Variants in HERC2 observed in about 807,000 individuals in gnomAD.
The protein encoded by HERC2 is E3 ubiquitin-protein ligase HERC2.
A neutral mutation model predicts 537.7 loss-of-function variants in HERC2; 102 were observed. The ratio of observed to expected loss-of-function variants is 0.19; its 90% confidence interval spans 0.16 to 0.22. The LOEUF (loss-of-function observed/expected upper bound fraction) is 0.22, where lower values mean the gene tolerates loss of function less well. Among genes scored for constraint, HERC2 ranks in the 10% least tolerant of loss-of-function variants. HERC2 has a pLI of 1.00. For missense variants in HERC2, 4,236 were observed against 6,198.2 expected, an observed-to-expected ratio of 0.68 and a Z score of 10.63; for synonymous variants, 2,224 against 2,466.2, an observed-to-expected ratio of 0.90 and a Z score of 2.91.
chr15:28,176,346 G>C lies in HERC2; in HGVS notation c.9686+82C>G. 1 of 1,307,556 alleles carries C rather than the reference G, an allele frequency of 7.6e-7. No individual in the cohort carries two copies. Among genetic ancestry groups the C allele is most frequent in the South Asian group, 1.3e-5 (1 of 78,526 alleles). 81.0% of individuals were successfully genotyped at this position (1,307,556 alleles called of 1,614,324 possible). ...AAAGAGGACACGTCACAATCACGCCGGGTGAGCCTGGGGCGAGGCCCAGGT... is the reference window on the plus strand; with the variant it reads ...AAAGAGGACACGTCACAATCACGCCCGGTGAGCCTGGGGCGAGGCCCAGGT... On this transcript the variant is annotated intron_variant, in intron 63 of 92. Transcript: ENST00000261609. This position sits in a 1 kb window ranked among gnomAD's most constrained non-coding sequence, Gnocchi z 5.0.
chr15:28,183,912 G>C (rs1896056053), intron 56 of HERC2, among the ~76,000 whole-genome samples: 1 of 152,120 alleles, frequency 6.6e-6, no homozygotes, highest in Admixed American at 6.5e-5. Context: ...TGGGGACCAG[G>C]CACAGTAGCT....
chr15:28,319,843 T>C (rs2077185483), intron 2 of HERC2, among the ~76,000 whole-genome samples: 1 of 152,192 alleles, frequency 6.6e-6, no homozygotes, highest in South Asian at 2.1e-4. Context: ...TTACGTAAAG[T>C]CCTTTACTCC....
rs1396379587 is a variant in HERC2, at chr15:28,254,428, G to C, written c.2962C>G (p.Leu988Val). 2 of 1,608,576 alleles carry C rather than the reference G, an allele frequency of 1.2e-6. No homozygotes were observed. The highest frequency in any genetic ancestry group is 1.7e-6 in the Non-Finnish European group (2 of 1,177,494). The change falls in exon 20 of 93, where the codon CTG becomes GTG. Residue 988 changes from leucine (L) to valine (V), a missense_variant. Coordinates refer to ENST00000261609, the MANE Select transcript of HERC2 (RefSeq NM_004667.6). ...CCCGTATTAATAAGGTCTTTATCCA[G>C]TGGAGTCCTGCTTCTATGAAATGTT... The part of the protein sequence containing the change: ...ASTFHRSRTP[L>V]DKDLINTGIC...
At position 28,259,969 on chromosome 15, in the gene HERC2, C is replaced by CAA. The variant is rs35995546; in HGVS notation, c.2316+806_2316+807dup. Among the ~76,000 whole-genome samples, 94 of 67,408 alleles carry CAA rather than the reference C, an allele frequency of 1.4e-3. 3 individuals are homozygous for CAA. The highest frequency in any genetic ancestry group is 7.0e-3 in the East Asian group (20 of 2,858). 44.2% of individuals were successfully genotyped at this position (67,408 alleles called of 152,430 possible). ...GGTGACAGAGTGAGACTCCATCTGG[C>CAA]AAAAAAAAAAAAAAAAAAAAAGAGT... On this transcript the variant is annotated intron_variant, in intron 16 of 92. Transcript: ENST00000261609.
At chr15:28,298,489 A>T (rs1011268873) in intron 3 of HERC2, 1 of 151,454 alleles carries the variant, frequency 6.6e-6, no homozygotes, top group Non-Finnish European at 1.5e-5. Flanking sequence ...ATCCCCATTC[A>T]TTCCACAAAA....
Position 28,233,185 on chromosome 15 carries a change from T to C in HERC2, c.4636A>G (p.Ile1546Val), listed in dbSNP as rs748906484. ...CGTTCTCGAATTATCTTTTGAGCTA[T>C]CCTCCTCCAACGGGGCAAAGAACTT... ...LLSSLPRWRR[I>V]AQKIIRERRK... Residue 1546 changes from isoleucine to valine, a missense_variant, in exon 30 of 93, where the codon ATA becomes GTA. This residue lies in a region of HERC2 where 343 missense variants were observed against 417.2 expected (regional missense o/e 0.82). Coordinates refer to ENST00000261609, the MANE Select transcript of HERC2 (RefSeq NM_004667.6). 6.2e-7 allele frequency: 1 copy of C among 1,611,858 alleles called. No homozygotes were observed. The highest frequency in any genetic ancestry group is 1.7e-5 in the Admixed American group (1 of 60,006).
Position 28,220,496 on chromosome 15 carries a change from G to T in HERC2, c.5801C>A (p.Ala1934Asp). 9 of 1,604,594 alleles carry T rather than the reference G, an allele frequency of 5.6e-6. No homozygotes were observed. The highest frequency in any genetic ancestry group is 7.6e-6 in the Non-Finnish European group (9 of 1,179,796). Residue 1934 changes from alanine to aspartate, a missense_variant, in exon 37 of 93, where the codon GCT (alanine) becomes GAT (aspartate). Ala to Asp is a moderately radical substitution (Grantham distance 126). Transcript: ENST00000261609. ...YDLKLAELPA[A>D]AQPSAEDSDT... ...CGAATCCTCTGCTGAGGGCTGTGCA[G>T]CAGCCGGCAGCTCTGCCAGCTTGAG...
In HERC2 at chr15:28,280,237, C is replaced by T; in HGVS notation, c.373G>A (p.Ala125Thr). 1 of 1,614,138 alleles carries T rather than the reference C, an allele frequency of 6.2e-7. No homozygotes were observed. The highest frequency in any genetic ancestry group is 8.5e-7 in the Non-Finnish European group (1 of 1,180,012). ...GTGGTGGCTGACTGGACGGCCAGGG[C>T]CTGCTGCTCTTTAACCAGCACAGAA... The part of the protein sequence containing the change: ...CLSVLVKEQQ[A>T]LAVQSATTTL... Residue 125 changes from alanine to threonine, a missense_variant, in exon 5 of 93, where the codon GCC (alanine) becomes ACC (threonine). Ala to Thr is a moderately conservative substitution (Grantham distance 58). Coordinates refer to ENST00000261609, the MANE Select transcript of HERC2 (RefSeq NM_004667.6).
At chr15:28,243,786 T>C (rs935572945) in intron 23 of HERC2, among the ~76,000 whole-genome samples, 8 of 151,916 alleles carry the variant, frequency 5.3e-5, no homozygotes, top group African/African-American at 1.7e-4. Flanking sequence ...TGGAGATGAG[T>C]AGCAGCACAA....
chr15:28,315,635 A>T, intron 2 of HERC2: 1 of 576,764 alleles, frequency 1.7e-6, no homozygotes, highest in South Asian at 1.5e-5. Context: ...TCTACTAAAA[A>T]TATAAAAAAT....
At chr15:28,185,490 A>G (rs915754046) in intron 56 of HERC2, among the ~76,000 whole-genome samples, 12 of 152,164 alleles carry the variant, frequency 7.9e-5, no homozygotes, top group African/African-American at 2.7e-4. Context: ...GGAAAATACA[A>G]CTTCTATGAG....
chr15:28,233,565 T>C lies in HERC2; in HGVS notation c.4352-4A>G. On this transcript the variant is annotated splice_polypyrimidine_tract_variant and splice_region_variant and intron_variant, in intron 28 of 92. Coordinates refer to ENST00000261609, the MANE Select transcript of HERC2 (RefSeq NM_004667.6). ...ACTAAAGATAATGCCACATGACCTGTAAAAAGACATTTAAAAGAAGGGCAG... is the reference window on the plus strand; with the variant it reads ...ACTAAAGATAATGCCACATGACCTGCAAAAAGACATTTAAAAGAAGGGCAG... 6.2e-7 allele frequency: 1 copy of C among 1,613,602 alleles called. No homozygotes were observed. The highest frequency in any genetic ancestry group is 1.1e-5 in the South Asian group (1 of 91,060).
Position 28,237,076 on chromosome 15 carries a change from C to G in HERC2, c.3890G>C (p.Ser1297Thr). Residue 1297 changes from serine to threonine, a missense_variant, in exon 26 of 93, where the codon AGT (serine) becomes ACT (threonine). Physicochemically the swap from Ser to Thr is moderately conservative, Grantham distance 58. Coordinates refer to ENST00000261609, the MANE Select transcript of HERC2 (RefSeq NM_004667.6). Reference sequence around the variant, plus strand: ...TGTGTCTATCAGAGGTGAAGAGAGACTCCCCAGATCTGGTATGGTGACGAT... The same window carrying G: ...TGTGTCTATCAGAGGTGAAGAGAGAGTCCCCAGATCTGGTATGGTGACGAT... ...QEIVTIPDLG[S>T]LSSPLIDTER... 4 of 1,571,774 alleles carry G rather than the reference C, an allele frequency of 2.5e-6. No homozygotes were observed. Among genetic ancestry groups the G allele is most frequent in the African/African-American group, 1.3e-5 (1 of 74,166 alleles).
At chr15:28,290,280 C>G (rs541408483) in intron 4 of HERC2, among the ~76,000 whole-genome samples, 1 of 152,172 alleles carries the variant, frequency 6.6e-6, no homozygotes, top group South Asian at 2.1e-4. Flanking sequence ...TCTCATTAAG[C>G]TTTACAGAGC....
At chr15:28,196,715 C>T in intron 50 of HERC2, 146 bp from the exon 51 acceptor site, 1 of 583,730 alleles carries the variant, frequency 1.7e-6, no homozygotes, top group East Asian at 2.8e-5. Context: ...TACTAAAATG[C>T]TTATGGATGA....
chr15:28,209,168 A>G (rs138289458), intron 44 of HERC2, among the ~76,000 whole-genome samples: 300 of 152,170 alleles, frequency 2.0e-3, no homozygotes, highest in Middle Eastern at 3.4e-3. Flanking sequence ...TTTACTTATC[A>G]TTTTCATATT....
chr15:28,147,722 T>C (rs1219035487), intron 70 of HERC2, among the ~76,000 whole-genome samples: 2 of 151,814 alleles, frequency 1.3e-5, no homozygotes, highest in Non-Finnish European at 2.9e-5. Context: ...CCAAATACAA[T>C]AAAAAGTTAT....
At chr15:28,255,198 A>G (rs1422959512) in intron 19 of HERC2, among the ~76,000 whole-genome samples, 1 of 152,142 alleles carries the variant, frequency 6.6e-6, no homozygotes, top group Non-Finnish European at 1.5e-5. Flanking sequence ...CTAGCCGGGC[A>G]TGGTGACATG....
At chr15:28,306,675 T>A (rs531408677) in intron 2 of HERC2, among the ~76,000 whole-genome samples, 2 of 152,236 alleles carry the variant, frequency 1.3e-5, no homozygotes, top group African/African-American at 4.8e-5. Context: ...TTTGGTAAAA[T>A]TCAGCAGTGA....
Sources: gnomAD v4.1 joint callset for allele counts (sites outside exome capture counted in the v4.1 genomes callset) on GRCh38, gnomAD v4.1.1 for gene constraint, gnomAD v4.1.1 regional missense constraint, Gnocchi (gnomAD v3.1) non-coding constraint, MANE v1.5 for transcripts, NCBI Gene and HGNC (gene_info 2026-07-23, HGNC 2026-07-21) for gene names.